Variants in RYR2 observed in about 807,000 individuals in gnomAD.
RYR2 encodes the protein ryanodine receptor 2.
A neutral mutation model predicts 601.1 loss-of-function variants in RYR2; 227 were observed. The ratio of observed to expected loss-of-function variants is 0.38; its 90% CI spans 0.34 to 0.42. The LOEUF (loss-of-function observed/expected upper bound fraction) is 0.42, where lower values mean the gene tolerates loss of function less well. RYR2 is among the 10% of genes least tolerant of loss of function. The probability of loss-of-function intolerance (pLI) is 1.00; values close to 1 mark genes in which losing one functional copy is unlikely to be tolerated. For synonymous variants in RYR2, 2,223 were observed against 2,175.1 expected (o/e 1.02, Z -0.61); for missense variants, 4,646 against 6,156.5 (o/e 0.75, Z 8.21).
At chr1:237,692,431 T>C (rs10802630) in intron 63 of RYR2, among the ~76,000 whole-genome samples, 149,942 of 152,238 alleles carry the variant, frequency 0.98, 73,870 homozygotes, top group Middle Eastern at 1. Flanking sequence ...CACACTTCTC[T>C]GATTACACTC....
chr1:237,230,943 G>A lies in RYR2; in HGVS notation c.49-39554G>A, dbSNP rs867748505. Among the ~76,000 whole-genome samples the A allele has an allele frequency of 9.9e-3, 787 of 79,720 alleles. 15 individuals are homozygous for A. The highest frequency in any genetic ancestry group is 0.033 in the African/African-American group (745 of 22,502). The allele number at this position is 79,720 out of a possible 152,430, so 52.3% of individuals were successfully genotyped here. A position where few individuals can be genotyped will look rare whatever the true frequency, so the allele number is the denominator to read the frequency against. ...GACTCGTCTCAAAAAAAAAAAAAAG[G>A]ATACTCCTCAAATTATGCCTACTTG... On this transcript the variant is annotated intron_variant, in intron 1 of 104. Transcript: ENST00000366574.
chr1:237,564,348 G>A (rs1235749006), intron 27 of RYR2, among the ~76,000 whole-genome samples: 1 of 151,966 alleles, frequency 6.6e-6, no homozygotes, highest in East Asian at 1.9e-4. Flanking sequence ...TCGGCTCACT[G>A]CATCCTCTGC....
chr1:237,424,891 C>T (rs1257550241), intron 12 of RYR2, among the ~76,000 whole-genome samples: 1 of 152,138 alleles, frequency 6.6e-6, no homozygotes, highest in East Asian at 1.9e-4. Context: ...GGCCACTGAC[C>T]ACTTTATTTC....
intron 12 of RYR2, 128 bp from the exon 13 acceptor site, chr1:237,441,191 C>G (rs1707864823): frequency 1.0e-5 from 8 of 802,702 alleles, no homozygotes; most frequent in Non-Finnish European, 1.6e-5. Flanking sequence ...AATATTTGGC[C>G]ATTATTTCAG....
At chr1:237,567,415 C>CAAAAAA (rs3057438) in intron 28 of RYR2, among the ~76,000 whole-genome samples, 6 of 111,932 alleles carry the variant, frequency 5.4e-5, no homozygotes, top group African/African-American at 7.1e-5. Context: ...CCTGTCTCTA[C>CAAAAAA]AAAAAAAAAA....
chr1:237,641,296 A>G (rs1181114012), intron 47 of RYR2, among the ~76,000 whole-genome samples: 1 of 152,182 alleles, frequency 6.6e-6, no homozygotes, highest in African/African-American at 2.4e-5. Context: ...TATTTTCTCT[A>G]TGCAATTTCC....
At chr1:237,159,714 T>C (rs1266439918) in intron 1 of RYR2, among the ~76,000 whole-genome samples, 1 of 152,126 alleles carries the variant, frequency 6.6e-6, no homozygotes, top group Non-Finnish European at 1.5e-5. Context: ...AAAATAAATA[T>C]GTACTTAGCA....
intron 100 of RYR2, among the ~76,000 whole-genome samples, chr1:237,816,461 G>A (rs1400877702): frequency 4.6e-5 from 7 of 152,084 alleles, no homozygotes; most frequent in South Asian, 2.1e-4. Context: ...CGAGGCGGGC[G>A]GATCACCTGA....
intron 73 of RYR2, among the ~76,000 whole-genome samples, chr1:237,722,624 G>A (rs1277963197): frequency 2.6e-5 from 4 of 151,908 alleles, no homozygotes; most frequent in Non-Finnish European, 4.4e-5. Flanking sequence ...TAGTAGAAAC[G>A]GGGTTTCACC....
At chr1:237,736,568 C>G (rs892553948) in intron 79 of RYR2, among the ~76,000 whole-genome samples, 1 of 152,072 alleles carries the variant, frequency 6.6e-6, no homozygotes, top group Non-Finnish European at 1.5e-5. Flanking sequence ...TATTTGCTCG[C>G]TCTCTCTCTG....
intron 1 of RYR2, among the ~76,000 whole-genome samples, chr1:237,193,591 C>G (rs1680248171): frequency 6.6e-6 from 1 of 152,178 alleles, no homozygotes; most frequent in Non-Finnish European, 1.5e-5. Flanking sequence ...CTTCTACTCC[C>G]CTCAGCACTA....
At chr1:237,816,086 C>G (rs1661793447) in intron 100 of RYR2, among the ~76,000 whole-genome samples, 1 of 152,126 alleles carries the variant, frequency 6.6e-6, no homozygotes, top group South Asian at 2.1e-4. Context: ...AGAGCTAGGA[C>G]ATTCCAAGAC....
chr1:237,262,589 G>A (rs1162297669), intron 1 of RYR2, among the ~76,000 whole-genome samples: 2 of 152,172 alleles, frequency 1.3e-5, no homozygotes, highest in East Asian at 3.9e-4. Flanking sequence ...ATACAGAAAG[G>A]AATTCAATTC....
At chr1:237,529,793 A>ACC (rs1667946615) in intron 24 of RYR2, among the ~76,000 whole-genome samples, 1 of 150,294 alleles carries the variant, frequency 6.7e-6, no homozygotes, top group Non-Finnish European at 1.5e-5. Context: ...ACACACACAC[A>ACC]CACACCACGT....
At chr1:237,363,720 A>C (rs1161152275) in intron 4 of RYR2, among the ~76,000 whole-genome samples, 5 of 152,150 alleles carry the variant, frequency 3.3e-5, no homozygotes, top group African/African-American at 1.2e-4. Flanking sequence ...ACATACGTAC[A>C]CATTATGTTT....
chr1:237,140,464 C>T (rs1482302967), intron 1 of RYR2, among the ~76,000 whole-genome samples: 1 of 152,210 alleles, frequency 6.6e-6, no homozygotes, highest in Non-Finnish European at 1.5e-5. Flanking sequence ...TTGCAGAACA[C>T]ACAACACTGA....
intron 17 of RYR2, among the ~76,000 whole-genome samples, chr1:237,476,990 G>T (rs1157261130): frequency 6.6e-6 from 1 of 152,010 alleles, no homozygotes; most frequent in Non-Finnish European, 1.5e-5. Flanking sequence ...AGCCCTTTAG[G>T]GTGGCATTCC....
chr1:237,370,306 A>G (rs1359977298), intron 6 of RYR2, among the ~76,000 whole-genome samples: 1 of 152,146 alleles, frequency 6.6e-6, no homozygotes. Context: ...AAAGATAACT[A>G]TTAATATCCC....
chr1:237,301,069 G>A, intron 2 of RYR2, among the ~76,000 whole-genome samples: 1 of 152,020 alleles, frequency 6.6e-6, no homozygotes, highest in South Asian at 2.1e-4. Context: ...ATGAACACAT[G>A]GCTTTAAGTA....
Sources: allele counts gnomAD v4.1 joint callset (sites outside exome capture counted in the v4.1 genomes callset), GRCh38; gene constraint gnomAD v4.1.1; transcripts MANE v1.5; gene names NCBI Gene and HGNC (gene_info 2026-07-23, HGNC 2026-07-21).